Variants in CGA observed in about 807,000 individuals in gnomAD.
CGA encodes glycoprotein hormones, alpha polypeptide, also known as glycoprotein hormones alpha chain.
Under a neutral mutation model 12.0 loss-of-function variants are expected in CGA, and 4 were observed. The observed-to-expected ratio is 0.33, with a 90% CI of 0.16 to 0.76. CGA has a LOEUF of 0.76. Among genes scored for constraint, CGA ranks in the 30% least tolerant of loss-of-function variants. The pLI is 0.60. For synonymous variants in CGA, 60 were observed against 56.6 expected (o/e 1.06, Z -0.27); for missense variants, 102 against 143.5 (o/e 0.71, Z 1.48).
chr6:87,086,547 T>C, intron 2 of CGA, 113 bp from the exon 3 acceptor site: 1 of 962,596 alleles, frequency 1.0e-6, no homozygotes, highest in Non-Finnish European at 1.5e-6. Context: ...GAGGCCTTAG[T>C]GGGTGGATTG....
At chr6:87,086,001 C>T (rs1449361669) in intron 3 of CGA, 168 bp from the exon 4 acceptor site, 1 of 669,936 alleles carries the variant, frequency 1.5e-6, no homozygotes, top group South Asian at 1.9e-5. Flanking sequence ...CACAAGTAAG[C>T]TGTACTTTCT....
In CGA at chr6:87,085,574, G is replaced by A; in HGVS notation, c.*182C>T. 1 of 578,646 alleles carries A rather than the reference G, an allele frequency of 1.7e-6. No individual in the cohort carries two copies. 35.8% of individuals were successfully genotyped at this position (578,646 alleles called of 1,614,324 possible). On this transcript the variant is annotated 3_prime_UTR_variant, in exon 4 of 4. Transcript: ENST00000627148. ...TATTCATTCCAAATGAAAAGAACTA[G>A]ACTGCTGATTGTACTGTAGGATAAG...
rs779070530 is a variant in CGA, at chr6:87,086,449, A to G, written c.89-15T>C. ...TTCTGGGCAATCTATCAGGGAAAAAAAAAGGCAGAGTAAAATATCCAAAAA... is the reference window on the plus strand; with the variant it reads ...TTCTGGGCAATCTATCAGGGAAAAAGAAAGGCAGAGTAAAATATCCAAAAA... On this transcript the variant is annotated splice_polypyrimidine_tract_variant and intron_variant, in intron 2 of 3. Transcript: ENST00000627148. The G allele has an allele frequency of 2.5e-6, 4 of 1,584,700 alleles. No individual in the cohort carries two copies. Among genetic ancestry groups the G allele is most frequent in the Non-Finnish European group, 3.4e-6 (4 of 1,169,654 alleles).
At chr6:87,091,970 G>A (rs914942161) in intron 1 of CGA, among the ~76,000 whole-genome samples, 12 of 152,126 alleles carry the variant, frequency 7.9e-5, no homozygotes, top group East Asian at 7.7e-4. Flanking sequence ...CCGAGATTGC[G>A]CCACTGCACT....
At position 87,086,040 on chromosome 6, in the gene CGA, C is replaced by T. The variant is rs535490976; in HGVS notation, c.274-207G>A. The T allele has an allele frequency of 2.9e-5, 19 of 646,660 alleles. No homozygotes were observed. The South Asian group carries it at 3.7e-4, about 13-fold the overall frequency. The allele number at this position is 646,660 out of a possible 1,614,324, so 40.1% of individuals were successfully genotyped here. A position where few individuals can be genotyped will look rare whatever the true frequency, so the allele number is the denominator to read the frequency against. ...AACCTGCCCCTTGTCACCTCTACCC[C>T]TATTCTCCTCATTCTGAATAAATCC... is the stretch of plus-strand genomic sequence containing the variant. On this transcript the variant is annotated intron_variant, in intron 3 of 3. Transcript: ENST00000627148.
rs147883019 is a variant in CGA, at chr6:87,090,637, A to ATTTTTTTTTT, written c.-7-2440_-7-2431dup. ...TAGAAGCTCTTTGGGCTCTTCAATAATTTTTTTTTTGTTTTTTTGAGATTG... is the reference window on the plus strand; with the variant it reads ...TAGAAGCTCTTTGGGCTCTTCAATAATTTTTTTTTTTTTTTTTTTTGTTTTTTTGAGATTG... On this transcript the variant is annotated intron_variant, in intron 1 of 3. Transcript: ENST00000627148. 5.6e-5 allele frequency among the ~76,000 whole-genome samples: 7 copies of ATTTTTTTTTT among 124,854 alleles called. 1 individual carries two copies. Among genetic ancestry groups the ATTTTTTTTTT allele is most frequent in the African/African-American group, 6.1e-5 (2 of 32,972 alleles). The allele number at this position is 124,854 out of a possible 152,430, so 81.9% of individuals were successfully genotyped here.
chr6:87,091,788 A>T (rs572323603), intron 1 of CGA, among the ~76,000 whole-genome samples: 48 of 152,370 alleles, frequency 3.2e-4, no homozygotes, highest in African/African-American at 1.0e-3. Context: ...CCCCAAAGAC[A>T]AAATAAATAT....
At chr6:87,090,467 A>AT (rs1186718469) in intron 1 of CGA, among the ~76,000 whole-genome samples, 10 of 151,348 alleles carry the variant, frequency 6.6e-5, no homozygotes, top group Admixed American at 2.6e-4. Context: ...CTCATCACTA[A>AT]TTTTTTTTTG....
At chr6:87,091,179 T>G (rs186357697) in intron 1 of CGA, among the ~76,000 whole-genome samples, 2 of 152,322 alleles carry the variant, frequency 1.3e-5, no homozygotes, top group African/African-American at 4.8e-5. Context: ...TTTGAGAATG[T>G]GAAAGCATGA....
At chr6:87,086,576 A>G (rs1464391396) in intron 2 of CGA, 142 bp from the exon 3 acceptor site, 1 of 701,666 alleles carries the variant, frequency 1.4e-6, no homozygotes, top group Non-Finnish European at 2.3e-6. Flanking sequence ...CAGGAGTTTG[A>G]GAGCAGCCTG....
intron 1 of CGA, chr6:87,089,219 G>T (rs974902399): frequency 2.0e-5 from 3 of 152,206 alleles, no homozygotes; most frequent in African/African-American, 7.2e-5. Context: ...TGGTTTCAAA[G>T]AGTTAGCACT....
intron 1 of CGA, among the ~76,000 whole-genome samples, chr6:87,094,406 T>A (rs1769495740): frequency 1.3e-5 from 2 of 152,254 alleles, no homozygotes; most frequent in Admixed American, 1.3e-4. Context: ...CTTGGGCAAG[T>A]GACTTATCAT....
At chr6:87,091,778 C>A (rs1769436419) in intron 1 of CGA, among the ~76,000 whole-genome samples, 1 of 152,194 alleles carries the variant, frequency 6.6e-6, no homozygotes, top group African/African-American at 2.4e-5. Flanking sequence ...TTTCACCCAA[C>A]CCCAAAGACA....
intron 3 of CGA, 82 bp downstream of exon 3, chr6:87,086,168 G>A: frequency 7.9e-7 from 1 of 1,260,526 alleles, no homozygotes; most frequent in East Asian, 2.3e-5. Context: ...GACACCTTTG[G>A]CATTAAATTC....
At chr6:87,086,136 C>T (rs1769317571) in intron 3 of CGA, 114 bp downstream of exon 3, 3 of 931,790 alleles carry the variant, frequency 3.2e-6, no homozygotes, top group Non-Finnish European at 5.0e-6. Context: ...TGTACAAATG[C>T]TCGACAGAGG....
intron 1 of CGA, among the ~76,000 whole-genome samples, chr6:87,089,682 T>C (rs1769395888): frequency 1.3e-5 from 2 of 152,216 alleles, no homozygotes; most frequent in Admixed American, 1.3e-4. Flanking sequence ...TATTAACCCA[T>C]AATACTTCTT....
intron 3 of CGA, 30 bp from the exon 4 acceptor site, chr6:87,085,863 T>C (rs781214526): frequency 8.5e-6 from 12 of 1,416,030 alleles, no homozygotes; most frequent in South Asian, 7.0e-5. Context: ...AAACATATTA[T>C]AGATTAGATG....
Position 87,086,384 on chromosome 6 carries a change from C to T in CGA, c.139G>A (p.Ala47Thr). The change falls in exon 3 of 4, where the codon GCC (alanine) becomes ACC (threonine). Residue 47 changes from alanine to threonine, a missense_variant. Physicochemically the swap from Ala to Thr is moderately conservative, Grantham distance 58. Coordinates refer to ENST00000627148, the MANE Select transcript of CGA (RefSeq NM_000735.4). ...CAGCCCATGCACTGAAGTATTGGGG[C>T]ACCCGGCTGGGAGAAGAATGGGTTT... ...QENPFFSQPGAPILQCMGCCF... is the reference protein window; with the variant it reads ...QENPFFSQPGTPILQCMGCCF... The T allele has an allele frequency of 1.2e-6, 2 of 1,613,418 alleles. No homozygotes were observed. The highest frequency in any genetic ancestry group is 8.5e-7 in the Non-Finnish European group (1 of 1,179,798).
chr6:87,091,961 C>T (rs976499059), intron 1 of CGA, among the ~76,000 whole-genome samples: 14 of 151,972 alleles, frequency 9.2e-5, no homozygotes, highest in Admixed American at 7.9e-4. Flanking sequence ...GGCAGTGAGC[C>T]GAGATTGCGC....
Sources: gnomAD v4.1 joint callset for allele counts (sites outside exome capture counted in the v4.1 genomes callset) on GRCh38, gnomAD v4.1.1 for gene constraint, MANE v1.5 for transcripts, NCBI Gene and HGNC (gene_info 2026-07-23, HGNC 2026-07-21) for gene names.